The following MID1 variants were observed in gnomAD, a reference collection of about 807,000 sequenced individuals.
The protein encoded by MID1 is E3 ubiquitin-protein ligase Midline-1.
MID1 carries 7 observed loss-of-function variants against 40.4 expected under a neutral mutation model. The observed-to-expected ratio is 0.17, with a 90% CI of 0.10 to 0.33. The LOEUF is 0.33. Ranked by LOEUF, MID1 falls within the 10% of genes least tolerant of loss-of-function variation. The pLI is 1.00. For synonymous variants in MID1, 229 were observed against 221.2 expected (o/e 1.04, Z -0.31); for missense variants, 367 against 558.5 (o/e 0.66, Z 3.46).
At chrX:10,646,716 T>C (rs893726417) in intron 1 of MID1, among the ~76,000 whole-genome samples, 1 of 111,915 alleles carries the variant, frequency 8.9e-6, no homozygotes, top group African/African-American at 3.2e-5. Flanking sequence ...GTATTCTTTG[T>C]CAATTAGGTT....
chrX:10,704,716 G>GTATA (rs771605675), intron 1 of MID1, among the ~76,000 whole-genome samples: 5,587 of 77,827 alleles, frequency 0.072, 216 homozygotes, highest in Middle Eastern at 0.14. Context: ...GTGTGTGTGT[G>GTATA]TATATATATA....
chrX:10,748,578 C>T lies in MID1; in HGVS notation c.-187+84976G>A, dbSNP rs1213538679. Reference sequence around the variant, plus strand: ...AGAAATTTATTGTTATGAATTAATCCGACCCCAAAAGCTAGGAGGAACTAT... The same window carrying T: ...AGAAATTTATTGTTATGAATTAATCTGACCCCAAAAGCTAGGAGGAACTAT... On this transcript the variant is annotated intron_variant, in intron 1 of 10. Transcript: ENST00000380785. Among the ~76,000 whole-genome samples the T allele has an allele frequency of 4.5e-5, 5 of 111,219 alleles. No individual in the cohort carries two copies. In the South Asian group the frequency reaches 1.1e-3, roughly 25 times the overall value.
At chrX:10,783,887 T>C (rs116767031) in intron 1 of MID1, among the ~76,000 whole-genome samples, 1 of 109,959 alleles carries the variant, frequency 9.1e-6, no homozygotes, top group Admixed American at 9.7e-5. Context: ...GCTCTTTTTT[T>C]TAAAAAAAAA....
intron 1 of MID1, among the ~76,000 whole-genome samples, chrX:10,608,931 C>G (rs904524658): frequency 3.7e-4 from 41 of 111,390 alleles, no homozygotes; most frequent in African/African-American, 1.3e-3. Flanking sequence ...AGGTGTGTAA[C>G]ATTGTAAAAG....
chrX:10,816,830 G>A (rs945727222), intron 1 of MID1, among the ~76,000 whole-genome samples: 14 of 111,937 alleles, frequency 1.3e-4, no homozygotes, highest in Admixed American at 3.8e-4. Context: ...GGGGAGGTTC[G>A]TGGGTGAACA....
intron 4 of MID1, among the ~76,000 whole-genome samples, chrX:10,493,161 T>C (rs752429993): frequency 3.6e-5 from 4 of 111,956 alleles, no homozygotes; most frequent in African/African-American, 6.5e-5. Flanking sequence ...GAGATGGGGA[T>C]GTTACCCTGA....
intron 3 of MID1, among the ~76,000 whole-genome samples, chrX:10,520,835 A>G (rs1274122536): frequency 8.9e-6 from 1 of 111,735 alleles, no homozygotes; most frequent in Non-Finnish European, 1.9e-5. Flanking sequence ...AAGACCTCAC[A>G]TTCTGGTTGG....
Position 10,729,011 on chromosome X carries a change from G to A in MID1, c.-187+104543C>T, listed in dbSNP as rs149473301. Reference sequence around the variant, plus strand: ...CCACTGTGTCATTCCTACCATGCCCGTGTAATTAAATTACCCGACAGACAT... The same window carrying A: ...CCACTGTGTCATTCCTACCATGCCCATGTAATTAAATTACCCGACAGACAT... On this transcript the variant is annotated intron_variant, in intron 1 of 10. Coordinates refer to the MID1 transcript ENST00000380785. Among the ~76,000 whole-genome samples the A allele has an allele frequency of 5.4e-3, 601 of 111,530 alleles. 10 individuals are homozygous for A. The highest frequency in any genetic ancestry group is 0.018 in the African/African-American group (562 of 30,648).
chrX:10,826,306 A>T (rs2147162738), intron 1 of MID1, among the ~76,000 whole-genome samples: 1 of 111,039 alleles, frequency 9.0e-6, no homozygotes, highest in African/African-American at 3.3e-5. Context: ...CTTCATCTCT[A>T]CCACCACGAT....
chrX:10,784,492 C>T (rs758885114), intron 1 of MID1, among the ~76,000 whole-genome samples: 1 of 96,724 alleles, frequency 1.0e-5, no homozygotes, highest in East Asian at 3.4e-4. Flanking sequence ...GTCAGTCAGA[C>T]TGGAGTGCAG....
chrX:10,789,778 T>C (rs758193942), intron 1 of MID1, among the ~76,000 whole-genome samples: 2 of 111,999 alleles, frequency 1.8e-5, no homozygotes, highest in African/African-American at 6.5e-5. Context: ...TTCCACATTA[T>C]AGGGGAACGA....
intron 2 of MID1, among the ~76,000 whole-genome samples, chrX:10,546,820 G>T (rs1933699019): frequency 8.9e-6 from 1 of 112,115 alleles, no homozygotes; most frequent in Non-Finnish European, 1.9e-5. Context: ...AAACTTAGGT[G>T]TTGCTGTCCT....
In MID1 at chrX:10,567,614, G is replaced by C; in HGVS notation, c.-56-11C>G. On this transcript the variant is annotated splice_polypyrimidine_tract_variant and intron_variant, in intron 1 of 9. Coordinates refer to ENST00000317552, the MANE Select transcript of MID1 (RefSeq NM_000381.4). ...AAGCTGATCAGCTATCTGGAAACAA[G>C]AATGTAAGATTTGATTAGGCACAGG... The C allele has an allele frequency of 8.6e-7, 1 of 1,167,269 alleles. No homozygotes were observed. Among genetic ancestry groups the C allele is most frequent in the Non-Finnish European group, 1.2e-6 (1 of 855,410 alleles).
chrX:10,738,877 C>T (rs1170735571), intron 1 of MID1, among the ~76,000 whole-genome samples: 3 of 108,133 alleles, frequency 2.8e-5, no homozygotes, highest in African/African-American at 1.0e-4. Flanking sequence ...TTCATCCACC[C>T]TTTTTCTATC....
At chrX:10,484,625 T>C (rs138720190) in intron 4 of MID1, among the ~76,000 whole-genome samples, 7,758 of 112,182 alleles carry the variant, frequency 0.069, 560 homozygotes, top group African/African-American at 0.21. Context: ...ATCTGATACA[T>C]CTGATTTGAG....
chrX:10,625,590 G>A (rs909608544), intron 1 of MID1, among the ~76,000 whole-genome samples: 1 of 112,068 alleles, frequency 8.9e-6, no homozygotes, highest in Non-Finnish European at 1.9e-5. Context: ...ATGAAATTTT[G>A]CTAATCGATT....
intron 1 of MID1, among the ~76,000 whole-genome samples, chrX:10,702,841 T>C (rs1333740953): frequency 8.9e-6 from 1 of 112,169 alleles, no homozygotes; most frequent in Non-Finnish European, 1.9e-5. Context: ...AATGAGGTCA[T>C]AAGGGTGAGG....
chrX:10,771,311 A>G (rs2043767025), intron 1 of MID1, among the ~76,000 whole-genome samples: 1 of 110,719 alleles, frequency 9.0e-6, no homozygotes, highest in Admixed American at 9.7e-5. Context: ...AAGGTAAATT[A>G]AGAGTAGGCA....
At chrX:10,656,746 A>G (rs1194924914) in intron 1 of MID1, among the ~76,000 whole-genome samples, 1 of 110,049 alleles carries the variant, frequency 9.1e-6, no homozygotes, top group African/African-American at 3.3e-5. Context: ...ATACAGTAGA[A>G]GTAGATGGTG....
Sources: allele counts gnomAD v4.1 joint callset (sites outside exome capture counted in the v4.1 genomes callset), GRCh38; gene constraint gnomAD v4.1.1; transcripts MANE v1.5; gene names NCBI Gene and HGNC (gene_info 2026-07-23, HGNC 2026-07-21).